The following POMZP3 variants were observed in gnomAD, a reference collection of about 807,000 sequenced individuals.
POMZP3 encodes POM121 and ZP3 fusion protein.
POMZP3 carries 10 observed loss-of-function variants against 19.8 expected under a neutral mutation model. The ratio of observed to expected loss-of-function variants is 0.51; its 90% CI spans 0.31 to 0.86. The LOEUF (loss-of-function observed/expected upper bound fraction) is 0.86, where lower values mean the gene tolerates loss of function less well. POMZP3 is among the 40% of genes least tolerant of loss of function. POMZP3 has a pLI of 0.04. For missense variants in POMZP3, 152 were observed against 228.1 expected (o/e 0.67, Z 2.15); for synonymous variants, 57 against 85.8 (o/e 0.66, Z 1.85).
chr7:76,616,824 C>G lies in POMZP3; in HGVS notation c.345+1359G>C, dbSNP rs891707281. On this transcript the variant is annotated intron_variant, in intron 4 of 6. Coordinates refer to ENST00000310842, the MANE Select transcript of POMZP3 (RefSeq NM_012230.5). The stretch of plus-strand genomic sequence containing the variant: ...TGAGCCGAGACTGTGCCATTGCATT[C>G]CAGCCTGGACTGCAGAGCGAGACTC... Among the ~76,000 whole-genome samples the G allele has an allele frequency of 6.5e-5, 6 of 92,706 alleles. 2 individuals are homozygous for G. Among genetic ancestry groups the G allele is most frequent in the African/African-American group, 2.6e-4 (6 of 22,794 alleles). The allele number at this position is 92,706 out of a possible 152,430, so 60.8% of individuals were successfully genotyped here. A position where few individuals can be genotyped will look rare whatever the true frequency, so the allele number is the denominator to read the frequency against.
At chr7:76,622,970 C>G (rs1815653653) in intron 3 of POMZP3, among the ~76,000 whole-genome samples, 1 of 151,690 alleles carries the variant, frequency 6.6e-6, no homozygotes, top group South Asian at 2.1e-4. Flanking sequence ...CTCCTGGGCT[C>G]AAGTGATCCT....
Position 76,625,544 on chromosome 7 carries a change from C to T in POMZP3, c.205G>A (p.Asp69Asn), listed in dbSNP as rs530448210. The T allele has an allele frequency of 6.2e-7, 1 of 1,613,318 alleles. No individual in the cohort carries two copies. Among genetic ancestry groups the T allele is most frequent in the Non-Finnish European group, 8.5e-7 (1 of 1,179,654 alleles). ...TVEEEDQIFL[D>N]GQENKRSCLV... ...TACCTTCTTTTATTTTCCTGGCCAT[C>T]AAGGAATATTTGGTCTTCTTCCTCC... The change falls in exon 3 of 7, where the codon GAT (aspartate) becomes AAT (asparagine). Residue 69 changes from aspartate (D) to asparagine (N), a missense_variant. Transcript: ENST00000310842.
Position 76,627,155 on chromosome 7 carries a change from C to T in POMZP3, c.-599G>A, listed in dbSNP as rs1214795627. ...GGCACGAGGTACAGTAGGAGGCCGA[C>T]CAGCGACAGGCCGAGAAGCGCCGCC... is the stretch of plus-strand genomic sequence containing the variant. On this transcript the variant is annotated 5_prime_UTR_variant, in exon 1 of 7. Transcript: ENST00000310842. 8.3e-6 allele frequency: 12 copies of T among 1,447,224 alleles called. 2 individuals are homozygous for T. The South Asian group carries it at 1.6e-4, about 19-fold the overall frequency. 89.6% of individuals were successfully genotyped at this position (1,447,224 alleles called of 1,614,324 possible).
chr7:76,621,025 C>T (rs1327831342), intron 3 of POMZP3: 3 of 149,324 alleles, frequency 2.0e-5, no homozygotes, highest in Admixed American at 1.3e-4. Context: ...CCCGCCACCA[C>T]GTCCGGCTAA....
In POMZP3 at chr7:76,614,677, T is replaced by C. The variant is rs1271711958; in HGVS notation, c.346-2864A>G. ...GAGTTTAAGACCAGCCTGACCAACA[T>C]AGTGAAACCCCATCTCTACTAAATA... On this transcript the variant is annotated intron_variant, in intron 4 of 6. Coordinates refer to ENST00000310842, the MANE Select transcript of POMZP3 (RefSeq NM_012230.5). Among the ~76,000 whole-genome samples the C allele has an allele frequency of 2.4e-4, 20 of 83,414 alleles. 5 individuals are homozygous for C. Among genetic ancestry groups the C allele is most frequent in the African/African-American group, 9.9e-4 (16 of 16,102 alleles). 54.7% of individuals were successfully genotyped at this position (83,414 alleles called of 152,430 possible).
chr7:76,623,045 T>G (rs1815659260), intron 3 of POMZP3, among the ~76,000 whole-genome samples: 1 of 151,682 alleles, frequency 6.6e-6, no homozygotes, highest in African/African-American at 2.4e-5. Flanking sequence ...ATTTTCATAT[T>G]TTGTTTGGTA....
chr7:76,611,945 T>A, intron 4 of POMZP3, 132 bp from the exon 5 acceptor site: 1 of 1,498,736 alleles, frequency 6.7e-7, no homozygotes, highest in South Asian at 1.3e-5. Flanking sequence ...ACACCTATAA[T>A]CCCAGCACTT....
chr7:76,623,814 AAG>A (rs896759441), intron 3 of POMZP3, among the ~76,000 whole-genome samples: 10 of 151,756 alleles, frequency 6.6e-5, no homozygotes, highest in Admixed American at 3.3e-4. Context: ...AAAAAAAAGA[AAG>A]AGAGAGAGAG....
At chr7:76,624,160 C>G (rs1413619527) in intron 3 of POMZP3, among the ~76,000 whole-genome samples, 3 of 122,590 alleles carry the variant, frequency 2.4e-5, no homozygotes, top group East Asian at 2.2e-4. Context: ...AGGACAAAAT[C>G]AAAGATTTAA....
Position 76,625,665 on chromosome 7 carries a change from G to A in POMZP3, c.84C>T (p.Ser28=), listed in dbSNP as rs1454483873. 6.2e-7 allele frequency: 1 copy of A among 1,613,884 alleles called. No individual in the cohort carries two copies. The highest frequency in any genetic ancestry group is 2.2e-5 in the East Asian group (1 of 44,864). The change falls in exon 3 of 7, where the codon AGC becomes AGT. Residue 28 remains serine, a synonymous_variant. Coordinates refer to ENST00000310842, the MANE Select transcript of POMZP3 (RefSeq NM_012230.5). Reference sequence around the variant, plus strand: ...TACTTGATGGTGAGGACAGTGTTGAGCTGATTATCTGCTCTGGTCTATAAT... The same window carrying A: ...TACTTGATGGTGAGGACAGTGTTGAACTGATTATCTGCTCTGGTCTATAAT... ...SRSAIPEQII[S]STLSSPSSNA...
intron 4 of POMZP3, among the ~76,000 whole-genome samples, chr7:76,617,769 G>A (rs1171983819): frequency 2.3e-5 from 2 of 87,190 alleles, no homozygotes; most frequent in Non-Finnish European, 4.3e-5. Flanking sequence ...TGCAACCTCT[G>A]CCTCCCAGGT....
At chr7:76,625,260 G>A (rs1815811176) in intron 3 of POMZP3, among the ~76,000 whole-genome samples, 1 of 149,988 alleles carries the variant, frequency 6.7e-6, no homozygotes, top group Non-Finnish European at 1.5e-5. Context: ...TTCTACAGAA[G>A]CATGAGGCTA....
chr7:76,621,666 C>T (rs1334200173), intron 3 of POMZP3, among the ~76,000 whole-genome samples: 12 of 151,568 alleles, frequency 7.9e-5, no homozygotes, highest in Non-Finnish European at 1.5e-4. Context: ...GATGGCCGGG[C>T]GCGGTGGCTC....
chr7:76,623,354 A>G (rs376453654), intron 3 of POMZP3, among the ~76,000 whole-genome samples: 3,875 of 150,648 alleles, frequency 0.026, 126 homozygotes, highest in East Asian at 0.1. Flanking sequence ...ACAAGGAAGT[A>G]GGCCAAAATG....
At chr7:76,622,630 C>G (rs1031760389) in intron 3 of POMZP3, among the ~76,000 whole-genome samples, 11 of 151,656 alleles carry the variant, frequency 7.3e-5, no homozygotes, top group African/African-American at 2.4e-4. Context: ...TCCCAAAGTG[C>G]TGGGATTACA....
At chr7:76,617,772 T>C (rs1815335294) in intron 4 of POMZP3, among the ~76,000 whole-genome samples, 1 of 87,658 alleles carries the variant, frequency 1.1e-5, no homozygotes, top group African/African-American at 6.5e-5. Flanking sequence ...AACCTCTGCC[T>C]CCCAGGTTCA....
chr7:76,625,972 A>T (rs1215396615), intron 2 of POMZP3, 28 bp downstream of exon 2: 1 of 1,612,392 alleles, frequency 6.2e-7, no homozygotes, highest in Non-Finnish European at 8.5e-7. Flanking sequence ...ACGAAAAGGG[A>T]GAGTATTCTT....
Position 76,611,343 on chromosome 7 carries a change from C to T in POMZP3, c.*11+111G>A, listed in dbSNP as rs991515947. 5.2e-6 allele frequency: 6 copies of T among 1,160,598 alleles called. No homozygotes were observed. In the African/African-American group the frequency reaches 6.5e-5, roughly 13 times the overall value. The allele number at this position is 1,160,598 out of a possible 1,614,324, so 71.9% of individuals were successfully genotyped here. A position where few individuals can be genotyped will look rare whatever the true frequency, so the allele number is the denominator to read the frequency against. ...GGAAAGGTAGCTGCAGGCCTAGGTACAAACAGTTTTAATGGATGACAAGGG... is the reference window on the plus strand; with the variant it reads ...GGAAAGGTAGCTGCAGGCCTAGGTATAAACAGTTTTAATGGATGACAAGGG... On this transcript the variant is annotated intron_variant, in intron 6 of 6. Coordinates refer to ENST00000310842, the MANE Select transcript of POMZP3 (RefSeq NM_012230.5).
chr7:76,616,647 G>T (rs1815302390), intron 4 of POMZP3, among the ~76,000 whole-genome samples: 1 of 94,094 alleles, frequency 1.1e-5, no homozygotes, highest in Non-Finnish European at 2.3e-5. Context: ...ACAAGGTCAG[G>T]AGTTCCAGAC....
Sources: allele counts gnomAD v4.1 joint callset (sites outside exome capture counted in the v4.1 genomes callset), GRCh38; gene constraint gnomAD v4.1.1; transcripts MANE v1.5; gene names NCBI Gene and HGNC (gene_info 2026-07-23, HGNC 2026-07-21).